The following GRM8 variants were observed in gnomAD, a reference collection of about 807,000 sequenced individuals.
GRM8 encodes metabotropic glutamate receptor 8.
GRM8 carries 47 observed loss-of-function variants against 87.2 expected under a neutral mutation model. That is an observed-to-expected ratio of 0.54 (90% CI 0.43 to 0.69). GRM8 has a LOEUF of 0.69. GRM8 is among the 30% of genes least tolerant of loss of function. GRM8 has a pLI of 0.00. For missense variants in GRM8, 1,019 were observed against 1,139.2 expected (o/e 0.89, Z 1.52); for synonymous variants, 396 against 404.5 (o/e 0.98, Z 0.25).
chr7:127,015,878 A>T (rs929635963), intron 3 of GRM8, among the ~76,000 whole-genome samples: 1 of 152,148 alleles, frequency 6.6e-6, no homozygotes, highest in Non-Finnish European at 1.5e-5. Context: ...AATAGTGACA[A>T]TCAATTCAAA....
chr7:126,446,732 T>C (rs1304617113), intron 9 of GRM8, among the ~76,000 whole-genome samples: 2 of 152,012 alleles, frequency 1.3e-5, no homozygotes, highest in Non-Finnish European at 2.9e-5. Context: ...AAGGTACTAG[T>C]GGGCCAAGTG....
At chr7:126,753,181 G>A (rs2151548544) in intron 7 of GRM8, among the ~76,000 whole-genome samples, 1 of 152,068 alleles carries the variant, frequency 6.6e-6, no homozygotes, top group East Asian at 1.9e-4. Flanking sequence ...GACTATCTGT[G>A]AGTCTTAAAT....
chr7:126,531,937 A>G (rs1247994025), intron 9 of GRM8, among the ~76,000 whole-genome samples: 1 of 152,234 alleles, frequency 6.6e-6, no homozygotes, highest in African/African-American at 2.4e-5. Context: ...CTGGTGTCAG[A>G]GGATGGAACA....
At chr7:126,978,226 A>C (rs879258021) in intron 3 of GRM8, among the ~76,000 whole-genome samples, 1 of 151,892 alleles carries the variant, frequency 6.6e-6, no homozygotes, top group Non-Finnish European at 1.5e-5. Context: ...AGGAGAGGAG[A>C]GGAAGGAGAG....
At chr7:126,718,846 G>A (rs1231316006) in intron 7 of GRM8, among the ~76,000 whole-genome samples, 1 of 152,164 alleles carries the variant, frequency 6.6e-6, no homozygotes, top group Non-Finnish European at 1.5e-5. Context: ...TCTCATGAGG[G>A]TAGCTCCAAA....
At chr7:126,973,122 G>A (rs191958537) in intron 3 of GRM8, among the ~76,000 whole-genome samples, 41 of 152,232 alleles carry the variant, frequency 2.7e-4, no homozygotes, top group African/African-American at 8.2e-4. Flanking sequence ...TAATAGTTTA[G>A]GATGCACCAG....
At chr7:126,905,812 T>G (rs1802616279) in intron 3 of GRM8, among the ~76,000 whole-genome samples, 1 of 152,194 alleles carries the variant, frequency 6.6e-6, no homozygotes, top group Non-Finnish European at 1.5e-5. Flanking sequence ...AAGGAGTAAC[T>G]AAAGTGCTTG....
intron 2 of GRM8, among the ~76,000 whole-genome samples, chr7:127,198,806 C>T (rs924143129): frequency 2.7e-5 from 4 of 150,268 alleles, no homozygotes; most frequent in African/African-American, 9.8e-5. Flanking sequence ...TCCCAAGTAG[C>T]TGAGATTACA....
At chr7:126,500,960 A>G (rs1295324201) in intron 9 of GRM8, among the ~76,000 whole-genome samples, 1 of 151,794 alleles carries the variant, frequency 6.6e-6, no homozygotes, top group Non-Finnish European at 1.5e-5. Context: ...TCACATGTTT[A>G]TTTTTTCTGA....
intron 7 of GRM8, among the ~76,000 whole-genome samples, chr7:126,763,151 C>T (rs1208616157): frequency 6.7e-6 from 1 of 149,648 alleles, no homozygotes; most frequent in African/African-American, 2.5e-5. Flanking sequence ...GAATTATGTT[C>T]ATGATAATTT....
At chr7:126,446,084 T>C (rs1801983537) in intron 10 of GRM8, 42 bp downstream of exon 10, 1 of 1,609,790 alleles carries the variant, frequency 6.2e-7, no homozygotes, top group South Asian at 1.1e-5. Context: ...TATTAGGAAG[T>C]GCTCCCGCTC....
Position 127,171,740 on chromosome 7 carries a change from C to T in GRM8, c.511-65028G>A, listed in dbSNP as rs983531460. Among the ~76,000 whole-genome samples the T allele has an allele frequency of 3.3e-5, 5 of 152,276 alleles. No individual in the cohort carries two copies. The South Asian group carries it at 8.3e-4, about 25-fold the overall frequency. Reference sequence around the variant, plus strand: ...GAAACAAAAAATTTTGTGTAATTCACTTTATTGCAATATTCACTGCATTGT... The same window carrying T: ...GAAACAAAAAATTTTGTGTAATTCATTTTATTGCAATATTCACTGCATTGT... On this transcript the variant is annotated intron_variant, in intron 2 of 10. Transcript: ENST00000339582.
At position 126,501,210 on chromosome 7, in the gene GRM8, G is replaced by A. The variant is rs540424120; in HGVS notation, c.2430+31742C>T. Among the ~76,000 whole-genome samples, 9 of 152,054 alleles carry A rather than the reference G, an allele frequency of 5.9e-5. No individual in the cohort carries two copies. In the East Asian group the frequency reaches 1.2e-3, roughly 20 times the overall value. ...CATTCTACAGATTTTTAAAAATTAA[G>A]TACAGAAGTGGAAAATGATTTTTTA... On this transcript the variant is annotated intron_variant, in intron 9 of 10. Coordinates refer to ENST00000339582, the MANE Select transcript of GRM8 (RefSeq NM_000845.3).
At chr7:127,063,665 C>A (rs1820838794) in intron 3 of GRM8, among the ~76,000 whole-genome samples, 1 of 152,122 alleles carries the variant, frequency 6.6e-6, no homozygotes, top group African/African-American at 2.4e-5. Context: ...TTTGTTATTT[C>A]TCATCTTCTG....
chr7:127,186,693 C>T (rs1169832838), intron 2 of GRM8, among the ~76,000 whole-genome samples: 4 of 152,114 alleles, frequency 2.6e-5, no homozygotes, highest in Non-Finnish European at 5.9e-5. Flanking sequence ...AAAACGTGTA[C>T]AAAGAGAATA....
chr7:126,446,660 G>A (rs367917815), intron 9 of GRM8, among the ~76,000 whole-genome samples: 3 of 152,062 alleles, frequency 2.0e-5, no homozygotes, highest in South Asian at 4.2e-4. Flanking sequence ...ACATACATAA[G>A]GAAGGGGACC....
At chr7:126,617,370 T>C (rs1283964133) in intron 7 of GRM8, among the ~76,000 whole-genome samples, 6 of 152,144 alleles carry the variant, frequency 3.9e-5, no homozygotes, top group Non-Finnish European at 5.9e-5. Flanking sequence ...ATTGATGGGA[T>C]GTATCTCAAA....
chr7:126,729,284 A>G (rs1813345226), intron 7 of GRM8, among the ~76,000 whole-genome samples: 1 of 152,140 alleles, frequency 6.6e-6, no homozygotes, highest in South Asian at 2.1e-4. Flanking sequence ...TAGCCAGAAA[A>G]TGTCATCTGG....
chr7:126,767,127 A>G (rs1818280164), intron 7 of GRM8, among the ~76,000 whole-genome samples: 1 of 152,270 alleles, frequency 6.6e-6, no homozygotes, highest in East Asian at 1.9e-4. Context: ...ATTTCTGAGT[A>G]GGATATTTTT....
Sources: allele counts gnomAD v4.1 joint callset (sites outside exome capture counted in the v4.1 genomes callset), GRCh38; gene constraint gnomAD v4.1.1; transcripts MANE v1.5; gene names NCBI Gene and HGNC (gene_info 2026-07-23, HGNC 2026-07-21).